The following FAM13C variants were observed in gnomAD, a reference collection of about 807,000 sequenced individuals.
FAM13C encodes protein FAM13C.
In FAM13C, 37 loss-of-function variants were observed where a neutral mutation model predicts 73.2. The ratio of observed to expected loss-of-function variants is 0.51; its 90% CI spans 0.39 to 0.67. FAM13C has a LOEUF of 0.67. Among genes scored for constraint, FAM13C ranks in the 30% least tolerant of loss-of-function variants. The pLI is 0.00. For synonymous variants in FAM13C, 246 were observed against 260.9 expected (o/e 0.94, Z 0.55); for missense variants, 589 against 715.6 (o/e 0.82, Z 2.02).
intron 13 of FAM13C, among the ~76,000 whole-genome samples, chr10:59,249,259 C>A (rs1483158480): frequency 6.6e-6 from 1 of 151,814 alleles, no homozygotes; most frequent in Non-Finnish European, 1.5e-5. Flanking sequence ...AAAAACTTAG[C>A]CACGCGTGGT....
intron 2 of FAM13C, 98 bp downstream of exon 2, chr10:59,355,789 T>C (rs1276551940): frequency 1.6e-5 from 19 of 1,190,898 alleles, no homozygotes; most frequent in African/African-American, 3.0e-5. Context: ...GAACAAATAA[T>C]TGGAATTCAA....
At chr10:59,318,302 T>C (rs1355265378) in intron 4 of FAM13C, among the ~76,000 whole-genome samples, 1 of 152,124 alleles carries the variant, frequency 6.6e-6, no homozygotes, top group East Asian at 1.9e-4. Flanking sequence ...GAAAATTTCA[T>C]TTCCAAAATA....
chr10:59,291,406 A>G (rs2133775207), intron 5 of FAM13C, among the ~76,000 whole-genome samples: 1 of 152,284 alleles, frequency 6.6e-6, no homozygotes, highest in East Asian at 1.9e-4. Flanking sequence ...GTGTCTGAGC[A>G]TGGTTTGCAG....
At chr10:59,309,161 T>C (rs1438781494) in intron 4 of FAM13C, among the ~76,000 whole-genome samples, 3 of 152,184 alleles carry the variant, frequency 2.0e-5, no homozygotes, top group Admixed American at 1.3e-4. Context: ...TTAAGCCCAA[T>C]AACCAAGTTA....
chr10:59,267,640 G>A (rs1338241126), intron 8 of FAM13C, among the ~76,000 whole-genome samples: 1 of 152,140 alleles, frequency 6.6e-6, no homozygotes, highest in Admixed American at 6.6e-5. Flanking sequence ...AGGACAGGAA[G>A]AATGGAAGAG....
intron 4 of FAM13C, among the ~76,000 whole-genome samples, chr10:59,308,723 T>C (rs1004182397): frequency 6.6e-6 from 1 of 152,200 alleles, no homozygotes; most frequent in Admixed American, 6.5e-5. Flanking sequence ...AAAGAGCTTT[T>C]CCCTGGATTC....
chr10:59,330,679 C>G (rs1004444808), intron 3 of FAM13C, among the ~76,000 whole-genome samples: 1 of 152,164 alleles, frequency 6.6e-6, no homozygotes, highest in African/African-American at 2.4e-5. Context: ...CTAGCTACCC[C>G]TCTCTAGGAA....
intron 3 of FAM13C, among the ~76,000 whole-genome samples, chr10:59,338,303 C>G (rs1165869516): frequency 6.6e-6 from 1 of 152,116 alleles, no homozygotes; most frequent in Admixed American, 6.5e-5. Context: ...AGATAACATG[C>G]CTGTCCCAAG....
At chr10:59,266,700 T>G (rs141372501) in intron 8 of FAM13C, among the ~76,000 whole-genome samples, 30 of 152,340 alleles carry the variant, frequency 2.0e-4, no homozygotes, top group African/African-American at 7.2e-4. Context: ...TGTGTGCATG[T>G]GCATGTGAGC....
intron 6 of FAM13C, among the ~76,000 whole-genome samples, chr10:59,275,573 ACT>A (rs1230265872): frequency 6.6e-6 from 1 of 152,090 alleles, no homozygotes; most frequent in Non-Finnish European, 1.5e-5. Context: ...GTAATTGACA[ACT>A]CTCTGTATGT....
chr10:59,309,699 G>T (rs1848703539), intron 4 of FAM13C, among the ~76,000 whole-genome samples: 1 of 152,150 alleles, frequency 6.6e-6, no homozygotes, highest in Admixed American at 6.5e-5. Context: ...TATGCAGCAG[G>T]TCTCAGTTCT....
intron 5 of FAM13C, among the ~76,000 whole-genome samples, chr10:59,286,082 A>T (rs1845521765): frequency 1.3e-5 from 2 of 152,248 alleles, no homozygotes; most frequent in African/African-American, 4.8e-5. Flanking sequence ...ATTGTTCAGC[A>T]TTCAAAAGGA....
chr10:59,361,995 G>A lies in FAM13C; in HGVS notation c.62+404C>T, dbSNP rs115423979. On this transcript the variant is annotated intron_variant, in intron 1 of 13. Transcript: ENST00000618804. The stretch of plus-strand genomic sequence containing the variant: ...AAGTTTAGCCTGTTTACCACATGCT[G>A]GAATTCAGCTCATTTCACATCTATC... Among the ~76,000 whole-genome samples the A allele has an allele frequency of 5.6e-3, 848 of 152,276 alleles. 13 individuals carry two copies. The highest frequency in any genetic ancestry group is 0.02 in the African/African-American group (826 of 41,556).
chr10:59,259,432 A>G (rs998286522), intron 10 of FAM13C, among the ~76,000 whole-genome samples: 2 of 152,174 alleles, frequency 1.3e-5, no homozygotes, highest in South Asian at 2.1e-4. Flanking sequence ...CTGAAATGCT[A>G]TTGAGCTCAT....
At chr10:59,272,315 C>T (rs781274262) in intron 6 of FAM13C, among the ~76,000 whole-genome samples, 13 of 152,114 alleles carry the variant, frequency 8.5e-5, no homozygotes, top group Non-Finnish European at 1.5e-4. Context: ...ATTTTGTAAC[C>T]CCTCAGTTCT....
At chr10:59,324,202 C>A in intron 3 of FAM13C, 96 bp from the exon 4 acceptor site, 2 of 883,460 alleles carry the variant, frequency 2.3e-6, no homozygotes, top group East Asian at 2.5e-5. Flanking sequence ...AGGGAAGCAG[C>A]AATGCATAAC....
chr10:59,269,794 A>C, intron 7 of FAM13C, 105 bp downstream of exon 7: 1 of 1,327,642 alleles, frequency 7.5e-7, no homozygotes, highest in Non-Finnish European at 1.0e-6. Context: ...CAGTTGCGTT[A>C]GGCAGGCACA....
rs7358168 is a variant in FAM13C at position 59,310,840 on chromosome 10, C to T, written c.444-7976G>A. 3.2e-3 allele frequency among the ~76,000 whole-genome samples: 493 copies of T among 152,306 alleles called. 1 individual carries two copies. Among genetic ancestry groups the T allele is most frequent in the African/African-American group, 0.011 (462 of 41,558 alleles). ...GCCAGTATTATTAAAACAGAGATTC[C>T]TGGGCCACAACCCAAACCTACTTAA... On this transcript the variant is annotated intron_variant, in intron 4 of 13. Transcript: ENST00000618804.
intron 12 of FAM13C, among the ~76,000 whole-genome samples, chr10:59,252,488 A>G (rs1458296231): frequency 6.6e-6 from 1 of 152,120 alleles, no homozygotes; most frequent in African/African-American, 2.4e-5. Flanking sequence ...AAAGAAGGCC[A>G]AATTATCATG....
Sources: allele counts gnomAD v4.1 joint callset (sites outside exome capture counted in the v4.1 genomes callset), GRCh38; gene constraint gnomAD v4.1.1; transcripts MANE v1.5; gene names NCBI Gene and HGNC (gene_info 2026-07-23, HGNC 2026-07-21).